Variants in LAPTM4B observed in about 807,000 individuals in gnomAD.
The protein encoded by LAPTM4B is lysosomal-associated transmembrane protein 4B.
Under a neutral mutation model 28.5 loss-of-function variants are expected in LAPTM4B, and 26 were observed. The ratio of observed to expected loss-of-function variants is 0.91; its 90% confidence interval spans 0.67 to 1.27. The LOEUF (loss-of-function observed/expected upper bound fraction) is 1.27, where lower values mean the gene tolerates loss of function less well. Among genes scored for constraint, LAPTM4B ranks in the 50% most tolerant of loss-of-function variants. The probability of loss-of-function intolerance (pLI) is 0.00; values close to 1 mark genes in which losing one functional copy is unlikely to be tolerated. For synonymous variants in LAPTM4B, 109 were observed against 106.4 expected (o/e 1.02, Z -0.15); for missense variants, 288 against 285.8 (o/e 1.01, Z -0.06).
At chr8:97,837,997 A>C (rs1456677167) in intron 6 of LAPTM4B, among the ~76,000 whole-genome samples, 1 of 152,190 alleles carries the variant, frequency 6.6e-6, no homozygotes, top group Non-Finnish European at 1.5e-5. Flanking sequence ...ACAGGTTGAT[A>C]TGGAATAGAT....
At chr8:97,792,062 T>C (rs1188810137) in intron 1 of LAPTM4B, among the ~76,000 whole-genome samples, 5 of 152,096 alleles carry the variant, frequency 3.3e-5, no homozygotes, top group African/African-American at 9.7e-5. Context: ...AATGAGGCTC[T>C]AATAAAAGAT....
At chr8:97,850,145 C>G (rs1479847440) in intron 6 of LAPTM4B, among the ~76,000 whole-genome samples, 1 of 151,908 alleles carries the variant, frequency 6.6e-6, no homozygotes, top group African/African-American at 2.4e-5. Flanking sequence ...GTGCTCTTTC[C>G]CCGCCATGAG....
In LAPTM4B at chr8:97,805,930, G is replaced by A. The variant is rs548522962; in HGVS notation, c.211+466G>A. On this transcript the variant is annotated intron_variant, in intron 2 of 6. Transcript: ENST00000521545. The stretch of plus-strand genomic sequence containing the variant: ...ATATGTACAGGGATGTGGATGTGGG[G>A]TAAGCAGGGAGGAAGCTAGGCTCCC... Among the ~76,000 whole-genome samples the A allele has an allele frequency of 4.6e-5, 7 of 152,296 alleles. No individual in the cohort carries two copies. In the East Asian group the frequency reaches 1.4e-3, roughly 29 times the overall value.
chr8:97,815,504 G>C (rs1392787803), intron 3 of LAPTM4B, 103 bp downstream of exon 3: 5 of 807,490 alleles, frequency 6.2e-6, no homozygotes, highest in African/African-American at 1.7e-5. Context: ...TTTCTGTTAA[G>C]AATCTCTGTT....
intron 1 of LAPTM4B, among the ~76,000 whole-genome samples, chr8:97,795,809 C>G (rs1490022820): frequency 1.3e-5 from 2 of 149,672 alleles, no homozygotes; most frequent in Non-Finnish European, 3.0e-5. Flanking sequence ...TGCACTCCAG[C>G]CTCAGCGACA....
At chr8:97,839,928 C>T (rs1817319126) in intron 6 of LAPTM4B, among the ~76,000 whole-genome samples, 1 of 152,114 alleles carries the variant, frequency 6.6e-6, no homozygotes, top group Non-Finnish European at 1.5e-5. Context: ...GTAGGGGAGG[C>T]AGGTGAAATG....
At chr8:97,790,175 G>A (rs1816476791) in intron 1 of LAPTM4B, among the ~76,000 whole-genome samples, 1 of 86,742 alleles carries the variant, frequency 1.2e-5, no homozygotes, top group Non-Finnish European at 2.2e-5. Context: ...AGTAAAATGG[G>A]AGTGCAGCTA....
At chr8:97,833,673 T>C (rs926575528) in intron 6 of LAPTM4B, among the ~76,000 whole-genome samples, 21 of 152,222 alleles carry the variant, frequency 1.4e-4, no homozygotes, top group Admixed American at 1.4e-3. Flanking sequence ...AGGCTTTTTG[T>C]GTTCAGATTT....
chr8:97,799,833 A>G (rs928571668), intron 1 of LAPTM4B, among the ~76,000 whole-genome samples: 1 of 150,556 alleles, frequency 6.6e-6, no homozygotes, highest in Non-Finnish European at 1.5e-5. Flanking sequence ...TTCCTTTTAT[A>G]CCCCCTGACC....
intron 6 of LAPTM4B, among the ~76,000 whole-genome samples, chr8:97,825,439 T>G (rs1817077915): frequency 6.6e-6 from 1 of 152,262 alleles, no homozygotes; most frequent in Non-Finnish European, 1.5e-5. Flanking sequence ...ATTATTTATC[T>G]TAAACCTGCA....
At chr8:97,834,144 G>GACAAAAAAAAAAAAAAAAAAAAA (rs1817224839) in intron 6 of LAPTM4B, among the ~76,000 whole-genome samples, 1 of 75,344 alleles carries the variant, frequency 1.3e-5, no homozygotes, top group Admixed American at 1.3e-4. Flanking sequence ...TGTCTCTACA[G>GACAAAAAAAAAAAAAAAAAAAAA]AAAAAAAAAA....
chr8:97,847,594 C>G (rs1423385653), intron 6 of LAPTM4B, among the ~76,000 whole-genome samples: 1 of 152,182 alleles, frequency 6.6e-6, no homozygotes, highest in Non-Finnish European at 1.5e-5. Context: ...GTTATTTTCT[C>G]AGATTTTAGT....
At chr8:97,849,158 C>A (rs1385907500) in intron 6 of LAPTM4B, among the ~76,000 whole-genome samples, 1 of 152,220 alleles carries the variant, frequency 6.6e-6, no homozygotes, top group Non-Finnish European at 1.5e-5. Context: ...TAACTCCCTA[C>A]TGGAATGTCA....
At chr8:97,781,978 G>A (rs1333515862) in intron 1 of LAPTM4B, among the ~76,000 whole-genome samples, 4 of 119,092 alleles carry the variant, frequency 3.4e-5, no homozygotes, top group Non-Finnish European at 5.3e-5. Context: ...AAGACTTTGG[G>A]GACTTTTTTT....
chr8:97,838,225 G>C (rs1418044757), intron 6 of LAPTM4B, among the ~76,000 whole-genome samples: 1 of 152,168 alleles, frequency 6.6e-6, no homozygotes, highest in Non-Finnish European at 1.5e-5. Context: ...TCACACACTT[G>C]CAGGGTAGGG....
At chr8:97,844,627 A>G (rs1025915351) in intron 6 of LAPTM4B, among the ~76,000 whole-genome samples, 1 of 152,182 alleles carries the variant, frequency 6.6e-6, no homozygotes, top group African/African-American at 2.4e-5. Context: ...CTCCAAGGCA[A>G]TGACTTCAAA....
At chr8:97,804,372 T>C (rs1465342847) in intron 1 of LAPTM4B, among the ~76,000 whole-genome samples, 1 of 152,146 alleles carries the variant, frequency 6.6e-6, no homozygotes, top group Non-Finnish European at 1.5e-5. Flanking sequence ...GATTTTGCAG[T>C]TGGTTGAGTG....
intron 1 of LAPTM4B, among the ~76,000 whole-genome samples, chr8:97,781,434 C>G (rs1311803018): frequency 6.6e-6 from 1 of 151,640 alleles, no homozygotes. Flanking sequence ...CCCACCACTG[C>G]GCTTGGCTAA....
chr8:97,814,654 A>G (rs1462476819), intron 2 of LAPTM4B, among the ~76,000 whole-genome samples: 1 of 152,204 alleles, frequency 6.6e-6, no homozygotes. Context: ...TGGAATAAAG[A>G]GGAACATCAA....
Sources: allele counts gnomAD v4.1 joint callset (sites outside exome capture counted in the v4.1 genomes callset), GRCh38; gene constraint gnomAD v4.1.1; transcripts MANE v1.5; gene names NCBI Gene and HGNC (gene_info 2026-07-23, HGNC 2026-07-21).